Variants in WIPI2 observed in about 807,000 individuals in gnomAD.
The protein encoded by WIPI2 is WD repeat domain, phosphoinositide interacting 2.
Under a neutral mutation model 52.3 loss-of-function variants are expected in WIPI2, and 28 were observed. The ratio of observed to expected loss-of-function variants is 0.54; its 90% CI spans 0.40 to 0.73. The LOEUF (loss-of-function observed/expected upper bound fraction) is 0.73. Among genes scored for constraint, WIPI2 ranks in the 30% least tolerant of loss-of-function variants. The probability of loss-of-function intolerance (pLI) is 0.00; values close to 1 mark genes in which losing one functional copy is unlikely to be tolerated. For synonymous variants in WIPI2, 268 were observed against 245.0 expected (o/e 1.09, Z -0.88); for missense variants, 506 against 602.9 (o/e 0.84, Z 1.68).
In WIPI2 at chr7:5,228,143, C is replaced by T. The variant is rs145722805; in HGVS notation, c.1053C>T (p.Asp351=). 2.9e-4 allele frequency: 471 copies of T among 1,613,944 alleles called. 2 individuals are homozygous for T. In the African/African-American group the frequency reaches 5.3e-3, roughly 18 times the overall value. ...CGCGGTTGTTGGTGGGTGCCGCCGA[C>T]GGGTACCTGTACATGTACAACCTGG... The part of the protein sequence containing the change: ...KIPRLLVGAA[D]GYLYMYNLDP... The change falls in exon 11 of 13, where the codon GAC becomes GAT. Residue 351 remains aspartate, a synonymous_variant. Transcript: ENST00000288828.
chr7:5,216,094 C>T (rs28379233), intron 4 of WIPI2: 13,340 of 154,746 alleles, frequency 0.086, 755 homozygotes, highest in Middle Eastern at 0.13. Context: ...GAGGTGCATC[C>T]GGCCTGGCTC....
At chr7:5,203,163 A>G (rs1478057173) in intron 3 of WIPI2, among the ~76,000 whole-genome samples, 3 of 152,194 alleles carry the variant, frequency 2.0e-5, no homozygotes, top group Non-Finnish European at 1.5e-5. Context: ...CATCATCTGC[A>G]TCTTAAGGTT....
rs75427484 is a variant in WIPI2 at position 5,216,021 on chromosome 7, G to A, written c.382-542G>A. Among the ~76,000 whole-genome samples the A allele has an allele frequency of 9.0e-3, 1,365 of 152,280 alleles. 25 individuals carry two copies. Among genetic ancestry groups the A allele is most frequent in the African/African-American group, 0.032 (1,310 of 41,554 alleles). ...TTGTCTTAGCTGTAGGTTAGCATTT[G>A]CCTAACACTAAACTAAATGGCCTGG... is the stretch of plus-strand genomic sequence containing the variant. On this transcript the variant is annotated intron_variant, in intron 4 of 12. Transcript: ENST00000288828.
rs115239112 is a variant in WIPI2 at position 5,196,048 on chromosome 7, A to G, written c.128+2877A>G. ...GCAAGACTCCATCTCAAAAAAAAAA[A>G]CTTATCTTTTGCTGGGCGTGGTGGC... On this transcript the variant is annotated intron_variant, in intron 2 of 12. Transcript: ENST00000288828. Among the ~76,000 whole-genome samples, 373 of 151,736 alleles carry G rather than the reference A, an allele frequency of 2.5e-3. 3 individuals are homozygous for G. Among genetic ancestry groups the G allele is most frequent in the African/African-American group, 8.6e-3 (356 of 41,348 alleles).
intron 10 of WIPI2, 61 bp from the exon 11 acceptor site, chr7:5,228,043 A>T: frequency 6.5e-7 from 1 of 1,536,852 alleles, no homozygotes; most frequent in Non-Finnish European, 9.0e-7. Context: ...TGAGGCCGCC[A>T]TGTAGTAAGA....
chr7:5,208,743 A>G (rs1173140200), intron 3 of WIPI2, among the ~76,000 whole-genome samples: 3 of 150,648 alleles, frequency 2.0e-5, no homozygotes, highest in Non-Finnish European at 4.4e-5. Flanking sequence ...CTGTTTCTGG[A>G]CTCTTTAGTC....
chr7:5,205,885 T>G (rs2115243973), intron 3 of WIPI2, among the ~76,000 whole-genome samples: 1 of 149,164 alleles, frequency 6.7e-6, no homozygotes, highest in Middle Eastern at 3.4e-3. Flanking sequence ...TGCCACTGTT[T>G]TTTTTTTTTT....
intron 2 of WIPI2, among the ~76,000 whole-genome samples, chr7:5,196,667 C>T (rs1781757376): frequency 6.6e-6 from 1 of 152,086 alleles, no homozygotes; most frequent in Non-Finnish European, 1.5e-5. Context: ...CCCCTCGAAG[C>T]TCATTTTATA....
intron 3 of WIPI2, among the ~76,000 whole-genome samples, chr7:5,209,560 G>A (rs764985801): frequency 6.6e-6 from 1 of 152,140 alleles, no homozygotes; most frequent in Non-Finnish European, 1.5e-5. Context: ...CTTTCTCTGT[G>A]CAGTTGAATT....
In WIPI2 at chr7:5,229,742, A is replaced by C; in HGVS notation, c.1252+4A>C. On this transcript the variant is annotated splice_donor_region_variant and intron_variant, in intron 12 of 12. Transcript: ENST00000288828. ...CCTTCATCCCCAACGAGACTTGGTA[A>C]GGGGCGTGACGCAAACCTGGAAGGT... is the stretch of plus-strand genomic sequence containing the variant. The C allele has an allele frequency of 6.2e-7, 1 of 1,612,568 alleles. No homozygotes were observed.
At chr7:5,206,309 A>T (rs919325084) in intron 3 of WIPI2, among the ~76,000 whole-genome samples, 2 of 152,198 alleles carry the variant, frequency 1.3e-5, no homozygotes, top group African/African-American at 4.8e-5. Flanking sequence ...TGAAGCATTT[A>T]GGGTGAATGT....
chr7:5,222,781 A>G (rs1183609619), intron 8 of WIPI2, 109 bp downstream of exon 8: 1 of 1,100,684 alleles, frequency 9.1e-7, no homozygotes, highest in Non-Finnish European at 1.4e-6. Flanking sequence ...CCACACGAGC[A>G]TTTCTAGCCC....
chr7:5,227,804 C>T lies in WIPI2; in HGVS notation c.1014-300C>T, dbSNP rs1472267001. Among the ~76,000 whole-genome samples, 2 of 152,266 alleles carry T rather than the reference C, an allele frequency of 1.3e-5. No individual in the cohort carries two copies. Among genetic ancestry groups the T allele is most frequent in the Admixed American group, 6.5e-5 (1 of 15,292 alleles). On this transcript the variant is annotated intron_variant, in intron 10 of 12. Coordinates refer to ENST00000288828, the MANE Select transcript of WIPI2 (RefSeq NM_015610.4). This position sits in a 1 kb window ranked among gnomAD's most constrained non-coding sequence, Gnocchi z 8.1. ...CCGTGCGTCTTTAAACATCATTTTCCAGTTTTGTTATCTGACTAGCATCCT... is the reference window on the plus strand; with the variant it reads ...CCGTGCGTCTTTAAACATCATTTTCTAGTTTTGTTATCTGACTAGCATCCT...
chr7:5,192,824 T>A (rs1781544626), intron 1 of WIPI2, among the ~76,000 whole-genome samples: 1 of 152,226 alleles, frequency 6.6e-6, no homozygotes, highest in Non-Finnish European at 1.5e-5. Context: ...GGAGCACAAT[T>A]TTTAGCAAGT....
chr7:5,223,042 C>T (rs1278773386), intron 8 of WIPI2, among the ~76,000 whole-genome samples: 1 of 152,216 alleles, frequency 6.6e-6, no homozygotes, highest in Non-Finnish European at 1.5e-5. Context: ...TCCAGCTCTC[C>T]AGCTCCGCCT....
chr7:5,217,259 C>T, intron 6 of WIPI2, 72 bp downstream of exon 6: 2 of 1,487,550 alleles, frequency 1.3e-6, no homozygotes, highest in South Asian at 2.3e-5. Flanking sequence ...CTGTGGTGTC[C>T]CTGGCATCCT....
At chr7:5,210,638 T>G (rs1782511377) in intron 3 of WIPI2, among the ~76,000 whole-genome samples, 1 of 152,176 alleles carries the variant, frequency 6.6e-6, no homozygotes, top group Non-Finnish European at 1.5e-5. Context: ...GTGAAGTAAA[T>G]AAGTCAAGTT....
rs1164423901 is a variant in WIPI2, at chr7:5,228,200, G to A, written c.1110G>A (p.Met370Ile). 6.2e-7 allele frequency: 1 copy of A among 1,612,964 alleles called. No individual in the cohort carries two copies. The highest frequency in any genetic ancestry group is 8.5e-7 in the Non-Finnish European group (1 of 1,179,856). Residue 370 changes from methionine to isoleucine, a missense_variant, in exon 11 of 13, where the codon ATG becomes ATA. Around this residue, in one of 4 missense-constraint regions of WIPI2, gnomAD observed 194 missense variants for 175.1 expected, o/e 1.11. Transcript: ENST00000288828. ...AGGAGGGCGGCGAGTGTGCCCTGAT[G>A]AAGCAGCACCGGTGAGTCTGCTCCG... Reference protein sequence around the residue: ...DPQEGGECALMKQHRLDGSLE... With the variant: ...DPQEGGECALIKQHRLDGSLE...
At position 5,227,252 on chromosome 7, in the gene WIPI2, T is replaced by C. The variant is rs770949051; in HGVS notation, c.921T>C (p.Pro307=). ...KVLMASTSYL[P]SQVTEMFNQG... is the part of the protein sequence containing the mutation. ...TCATGGCCTCCACCAGCTACCTGCC[T>C]TCCCAAGTGACAGAAATGTTCAACC... Residue 307 remains proline (P), a synonymous_variant, in exon 10 of 13, where the codon CCT becomes CCC. Coordinates refer to ENST00000288828, the MANE Select transcript of WIPI2 (RefSeq NM_015610.4). The surrounding 1 kb of genome is among the most constrained non-coding windows in gnomAD (Gnocchi z 8.1). The C allele has an allele frequency of 6.2e-7, 1 of 1,613,950 alleles. No homozygotes were observed. The highest frequency in any genetic ancestry group is 1.1e-5 in the South Asian group (1 of 91,084).
Sources: allele counts gnomAD v4.1 joint callset (sites outside exome capture counted in the v4.1 genomes callset), GRCh38; gene constraint gnomAD v4.1.1; regional missense constraint gnomAD v4.1.1; non-coding constraint Gnocchi (gnomAD v3.1); transcripts MANE v1.5; gene names NCBI Gene and HGNC (gene_info 2026-07-23, HGNC 2026-07-21).